TMOD2: variants seen among roughly 807,000 people sequenced by gnomAD.
TMOD2 encodes tropomodulin 2, also known as tropomodulin-2.
A neutral mutation model predicts 39.9 loss-of-function variants in TMOD2; 22 were observed. That is an observed-to-expected ratio of 0.55 (90% CI 0.39 to 0.79). TMOD2 has a LOEUF of 0.79. Among genes scored for constraint, TMOD2 ranks in the 30% least tolerant of loss-of-function variants. The pLI, the probability that TMOD2 is intolerant of heterozygous loss-of-function variation, is 0.00. For synonymous variants in TMOD2, 123 were observed against 146.1 expected (o/e 0.84, Z 1.14); for missense variants, 386 against 413.3 (o/e 0.93, Z 0.57).
At chr15:51,768,142 A>G in intron 2 of TMOD2, 120 bp from the exon 3 acceptor site, 9 of 1,179,102 alleles carry the variant, frequency 7.6e-6, no homozygotes, top group Non-Finnish European at 1.1e-5. Flanking sequence ...GCTCACACGC[A>G]CATTCTGCGT....
chr15:51,799,918 C>T (rs1295946890), intron 8 of TMOD2, among the ~76,000 whole-genome samples: 1 of 152,100 alleles, frequency 6.6e-6, no homozygotes, highest in Non-Finnish European at 1.5e-5. Flanking sequence ...GGATTTAGGC[C>T]ATTGTGAAAC....
Position 51,811,404 on chromosome 15 carries a change from C to T in TMOD2, c.*2950C>T, listed in dbSNP as rs2141649414. On this transcript the variant is annotated 3_prime_UTR_variant, in exon 10 of 10. Coordinates refer to ENST00000249700, the MANE Select transcript of TMOD2 (RefSeq NM_014548.4). ...TCTCCCCAGGCCTATCTCCCTCCCC[C>T]TTTTAGAGTTGTGCAGGTCCACTTT... The T allele has an allele frequency of 6.6e-6, 1 of 152,240 alleles. No homozygotes were observed. The highest frequency in any genetic ancestry group is 1.9e-4 in the East Asian group (1 of 5,174). The allele number at this position is 152,240 out of a possible 1,614,324, so 9.4% of individuals were successfully genotyped here.
intron 4 of TMOD2, among the ~76,000 whole-genome samples, chr15:51,776,423 C>A (rs1234989552): frequency 6.6e-6 from 1 of 152,160 alleles, no homozygotes; most frequent in African/African-American, 2.4e-5. Flanking sequence ...GCTTAGCTGA[C>A]CTTTTCTTTG....
intron 5 of TMOD2, among the ~76,000 whole-genome samples, chr15:51,777,600 T>A (rs537512924): frequency 1.3e-5 from 2 of 152,178 alleles, no homozygotes; most frequent in African/African-American, 4.8e-5. Context: ...TTTTTATTCA[T>A]TCATTCATCA....
intron 3 of TMOD2, among the ~76,000 whole-genome samples, chr15:51,769,899 T>C (rs1437842053): frequency 6.6e-6 from 1 of 152,020 alleles, no homozygotes; most frequent in Non-Finnish European, 1.5e-5. Context: ...CCAAGCATGA[T>C]GGTGCACCCG....
chr15:51,768,413 A>G lies in TMOD2; in HGVS notation c.278A>G (p.Lys93Arg), dbSNP rs764450617. The G allele has an allele frequency of 7.4e-6, 12 of 1,613,752 alleles. No individual in the cohort carries two copies. In the South Asian group the frequency reaches 1.3e-4, roughly 18 times the overall value. ...REDFVPFTGE[K>R]KGRVFIPKEK... ...GACTTTGTGCCCTTCACTGGAGAAA[A>G]GAAAGGTAAGGACCACAGGCAGAGC... Residue 93 changes from lysine to arginine, a missense_variant, in exon 3 of 10, where the codon AAG becomes AGG. By Grantham distance (26) the Lys-to-Arg change is conservative (BLOSUM62 2). Transcript: ENST00000249700.
At chr15:51,783,869 G>T (rs1359144548) in intron 7 of TMOD2, 1 of 152,130 alleles carries the variant, frequency 6.6e-6, no homozygotes, top group Non-Finnish European at 1.5e-5. Flanking sequence ...GAAGCCCCTT[G>T]TCCCAGGTAA....
At chr15:51,776,153 T>A (rs1339597678) in intron 4 of TMOD2, among the ~76,000 whole-genome samples, 11 of 152,136 alleles carry the variant, frequency 7.2e-5, no homozygotes, top group African/African-American at 2.7e-4. Context: ...GCTGCCTCCC[T>A]CCTTCAATAT....
intron 7 of TMOD2, among the ~76,000 whole-genome samples, chr15:51,788,009 G>T (rs1028169364): frequency 6.6e-6 from 1 of 152,186 alleles, no homozygotes; most frequent in African/African-American, 2.4e-5. Flanking sequence ...TGAGTTTGAC[G>T]AGTTGACAGA....
In TMOD2 at chr15:51,766,431, T is replaced by C. The variant is rs1459659225; in HGVS notation, c.-11T>C. On this transcript the variant is annotated 5_prime_UTR_variant, in exon 2 of 10. Coordinates refer to ENST00000249700, the MANE Select transcript of TMOD2 (RefSeq NM_014548.4). ...ATGTGCATGGCCCATGAGAAAGGCTTATAAGAAGCCATGGCACTCCCCTTT... is the reference window on the plus strand; with the variant it reads ...ATGTGCATGGCCCATGAGAAAGGCTCATAAGAAGCCATGGCACTCCCCTTT... 6.2e-7 allele frequency: 1 copy of C among 1,613,340 alleles called. No homozygotes were observed. Among genetic ancestry groups the C allele is most frequent in the African/African-American group, 1.3e-5 (1 of 74,834 alleles).
intron 7 of TMOD2, among the ~76,000 whole-genome samples, chr15:51,790,899 T>A (rs1367856662): frequency 6.6e-6 from 1 of 152,188 alleles, no homozygotes; most frequent in East Asian, 1.9e-4. Flanking sequence ...GCCAATATTA[T>A]ACTGAATGGG....
intron 2 of TMOD2, chr15:51,766,813 T>C (rs1437249920): frequency 6.5e-6 from 2 of 306,022 alleles, no homozygotes; most frequent in Non-Finnish European, 1.2e-5. Context: ...TTTCCGTTGG[T>C]TGAGAAAGGA....
intron 8 of TMOD2, among the ~76,000 whole-genome samples, chr15:51,804,146 G>A (rs1188199363): frequency 6.6e-6 from 1 of 152,234 alleles, no homozygotes; most frequent in Non-Finnish European, 1.5e-5. Flanking sequence ...TGCACTGGGG[G>A]AGGGAAGCTC....
intron 8 of TMOD2, among the ~76,000 whole-genome samples, chr15:51,802,598 T>A (rs1279325035): frequency 6.6e-6 from 1 of 152,204 alleles, no homozygotes; most frequent in Middle Eastern, 3.2e-3. Context: ...CTGCAAGTTA[T>A]CCAAGTCCAG....
intron 4 of TMOD2, among the ~76,000 whole-genome samples, chr15:51,774,469 A>G (rs140813986): frequency 3.1e-4 from 47 of 152,350 alleles, no homozygotes; most frequent in African/African-American, 1.1e-3. Flanking sequence ...ACACAGGGTT[A>G]TTAGATGACC....
At chr15:51,791,713 C>A (rs2056013492) in intron 7 of TMOD2, among the ~76,000 whole-genome samples, 1 of 152,180 alleles carries the variant, frequency 6.6e-6, no homozygotes, top group South Asian at 2.1e-4. Context: ...ACATCTACAA[C>A]CATCTGATCT....
chr15:51,758,323 G>A (rs1463465543), intron 1 of TMOD2, among the ~76,000 whole-genome samples: 1 of 152,158 alleles, frequency 6.6e-6, no homozygotes, highest in Admixed American at 6.5e-5. Flanking sequence ...AGTTTGTAGT[G>A]TAGCTGGAGA....
At chr15:51,794,015 A>C (rs1451804215) in intron 7 of TMOD2, among the ~76,000 whole-genome samples, 1 of 152,238 alleles carries the variant, frequency 6.6e-6, no homozygotes, top group Non-Finnish European at 1.5e-5. Flanking sequence ...TTGCAGTGCA[A>C]GCAACTGCCT....
At chr15:51,779,485 ATTC>A (rs2055914820) in intron 5 of TMOD2, among the ~76,000 whole-genome samples, 1 of 151,156 alleles carries the variant, frequency 6.6e-6, no homozygotes, top group Non-Finnish European at 1.5e-5. Flanking sequence ...GGTTCATGCC[ATTC>A]TTCTGCCTCA....
Sources: gnomAD v4.1 joint callset for allele counts (sites outside exome capture counted in the v4.1 genomes callset) on GRCh38, gnomAD v4.1.1 for gene constraint, MANE v1.5 for transcripts, NCBI Gene and HGNC (gene_info 2026-07-23, HGNC 2026-07-21) for gene names.